ASPRV1: variants seen among roughly 807,000 people sequenced by gnomAD.
ASPRV1 encodes aspartic peptidase retroviral like 1, also known as retroviral-like aspartic protease 1.
In ASPRV1, 7 loss-of-function variants were observed where a neutral mutation model predicts 11.0. That is an observed-to-expected ratio of 0.64 (90% CI 0.36 to 1.20). ASPRV1 has a LOEUF of 1.20. ASPRV1 is among the 50% of genes most tolerant of loss of function. The pLI is 0.02. For missense variants in ASPRV1, 299 were observed against 320.0 expected (o/e 0.93, Z 0.50); for synonymous variants, 136 against 138.4 (o/e 0.98, Z 0.12).
At chr2:69,943,547 C>T in the ASPRV1 span, among the ~76,000 whole-genome samples, 2 of 152,158 alleles carry the variant, frequency 1.3e-5, no homozygotes, top group Non-Finnish European at 2.9e-5. Context: ...AAAGGAAAGA[C>T]CTTGTGGATT....
chr2:70,057,730 C>T, the ASPRV1 span, among the ~76,000 whole-genome samples: 621 of 152,140 alleles, frequency 4.1e-3, 2 homozygotes, highest in African/African-American at 0.014. Context: ...TCACCCGCCT[C>T]GGCCTCCCAA....
the ASPRV1 span, among the ~76,000 whole-genome samples, chr2:70,084,666 T>C: frequency 6.6e-6 from 1 of 152,256 alleles, no homozygotes; most frequent in Non-Finnish European, 1.5e-5. Flanking sequence ...CAAGTACATA[T>C]ACTGCATGTA....
At chr2:70,077,841 G>C in the ASPRV1 span, among the ~76,000 whole-genome samples, 1 of 149,818 alleles carries the variant, frequency 6.7e-6, no homozygotes, top group South Asian at 2.1e-4. Flanking sequence ...GACAACAAGA[G>C]CGAAACTCTG....
At chr2:69,952,265 C>T in the ASPRV1 span, among the ~76,000 whole-genome samples, 8 of 152,318 alleles carry the variant, frequency 5.3e-5, no homozygotes, top group African/African-American at 1.9e-4. Context: ...TGCAGTGGCT[C>T]ACTCCTGTAA....
At chr2:69,963,676 T>C (rs1416008032), upstream of ASPRV1, among the ~76,000 whole-genome samples, 1 of 152,154 alleles carries the variant, frequency 6.6e-6, no homozygotes, top group Non-Finnish European at 1.5e-5. Flanking sequence ...CGGTGGTCCC[T>C]TGGGACCTCA....
chr2:70,028,866 C>A, the ASPRV1 span, among the ~76,000 whole-genome samples: 3 of 152,022 alleles, frequency 2.0e-5, no homozygotes, highest in African/African-American at 7.2e-5. Flanking sequence ...CATTTGAACC[C>A]AGGAGGCGGA....
chr2:70,017,109 G>A, the ASPRV1 span, among the ~76,000 whole-genome samples: 136 of 152,146 alleles, frequency 8.9e-4, no homozygotes, highest in African/African-American at 3.2e-3. Context: ...TCCTGCCTCA[G>A]CCTCCCAAGT....
chr2:70,041,358 T>C, the ASPRV1 span, among the ~76,000 whole-genome samples: 1 of 152,230 alleles, frequency 6.6e-6, no homozygotes, highest in South Asian at 2.1e-4. Flanking sequence ...GGTTACTAGC[T>C]AAGCCAACTT....
At chr2:69,948,085 A>AAAG in the ASPRV1 span, among the ~76,000 whole-genome samples, 1 of 147,210 alleles carries the variant, frequency 6.8e-6, no homozygotes, top group Admixed American at 6.7e-5. Context: ...CCGTCTCTCA[A>AAAG]AAAAAAAAAA....
the ASPRV1 span, chr2:70,055,965 A>C: frequency 1.3e-5 from 2 of 152,166 alleles, no homozygotes; most frequent in Non-Finnish European, 2.9e-5. Flanking sequence ...TGATGAATGA[A>C]TGGCTAAACT....
chr2:69,969,133 C>T, the ASPRV1 span, among the ~76,000 whole-genome samples: 1 of 152,152 alleles, frequency 6.6e-6, no homozygotes, highest in African/African-American at 2.4e-5. Flanking sequence ...CACAGATGCC[C>T]CACTGTGGGG....
the ASPRV1 span, among the ~76,000 whole-genome samples, chr2:70,068,362 A>G: frequency 6.6e-6 from 1 of 152,234 alleles, no homozygotes; most frequent in Non-Finnish European, 1.5e-5. Context: ...GGGTTGAAGA[A>G]AGAGCTAGTT....
chr2:70,008,681 T>C, the ASPRV1 span, among the ~76,000 whole-genome samples: 8 of 152,084 alleles, frequency 5.3e-5, no homozygotes, highest in South Asian at 2.1e-4. Context: ...TAGTGTATTT[T>C]AGGTGTGGCC....
At chr2:69,959,998 G>T (rs72910668), downstream of ASPRV1, 1 of 152,222 alleles carries the variant, frequency 6.6e-6, no homozygotes, top group Non-Finnish European at 1.5e-5. Context: ...TATACCTCCA[G>T]CTAGGCACTC....
upstream of ASPRV1, among the ~76,000 whole-genome samples, chr2:69,966,616 G>A (rs1678349416): frequency 6.6e-6 from 1 of 152,240 alleles, no homozygotes; most frequent in Non-Finnish European, 1.5e-5. Flanking sequence ...AAAACATTCA[G>A]ATTGGGTAAT....
At chr2:70,049,671 A>T in the ASPRV1 span, 2 of 152,202 alleles carry the variant, frequency 1.3e-5, no homozygotes, top group Non-Finnish European at 2.9e-5. Flanking sequence ...CCTTGTTAGG[A>T]TCTGCCTTCA....
chr2:69,948,537 T>C, the ASPRV1 span, among the ~76,000 whole-genome samples: 21 of 152,296 alleles, frequency 1.4e-4, no homozygotes, highest in South Asian at 2.1e-4. Context: ...GGGGGCAGCT[T>C]GGACCAGATG....
the ASPRV1 span, chr2:70,045,525 AC>A: frequency 6.6e-6 from 1 of 152,168 alleles, no homozygotes. Flanking sequence ...CCTAAACCCT[AC>A]TGAAGCTGCC....
At chr2:70,053,776 T>A in the ASPRV1 span, 1 of 152,066 alleles carries the variant, frequency 6.6e-6, no homozygotes. Context: ...GCATCTCAAG[T>A]CCCCAACACA....
Sources: gnomAD v4.1 joint callset for allele counts (sites outside exome capture counted in the v4.1 genomes callset) on GRCh38, gnomAD v4.1.1 for gene constraint, MANE v1.5 for transcripts, NCBI Gene and HGNC (gene_info 2026-07-23, HGNC 2026-07-21) for gene names.